COP1: variants seen among roughly 807,000 people sequenced by gnomAD.
The protein encoded by COP1 is COP1 E3 ubiquitin ligase, also known as E3 ubiquitin-protein ligase COP1.
Under a neutral mutation model 101.3 loss-of-function variants are expected in COP1, and 24 were observed. That is an observed-to-expected ratio of 0.24 (90% CI 0.17 to 0.33). The LOEUF (loss-of-function observed/expected upper bound fraction) is 0.33, where lower values mean the gene tolerates loss of function less well. COP1 is among the 10% of genes least tolerant of loss of function. COP1 has a pLI of 1.00. For missense variants in COP1, 663 were observed against 906.2 expected (o/e 0.73, Z 3.45); for synonymous variants, 347 against 341.9 (o/e 1.01, Z -0.17).
rs1653186746 is a variant in COP1 at position 175,971,270 on chromosome 1, C to A, written c.2133+15673G>T. ...GAACATATTCTCCAAAAACTCACTG[C>A]CTGATTTAAATTAACCTCATTTGTT... On this transcript the variant is annotated intron_variant, in intron 18 of 19. Coordinates refer to ENST00000367669, the MANE Select transcript of COP1 (RefSeq NM_022457.7). 2.0e-5 allele frequency among the ~76,000 whole-genome samples: 3 copies of A among 152,014 alleles called. No individual in the cohort carries two copies. The South Asian group carries it at 6.2e-4, about 32-fold the overall frequency.
chr1:176,144,239 A>G (rs147484791), intron 6 of COP1, among the ~76,000 whole-genome samples: 6 of 152,308 alleles, frequency 3.9e-5, no homozygotes, highest in Admixed American at 1.3e-4. Context: ...AGGATTAATG[A>G]GAGTTTAACC....
chr1:176,008,519 C>CT, intron 15 of COP1, among the ~76,000 whole-genome samples: 1 of 151,900 alleles, frequency 6.6e-6, no homozygotes, highest in East Asian at 1.9e-4. Flanking sequence ...TCATATTTTC[C>CT]TTTAACTCTT....
At chr1:175,970,678 G>T (rs1044718385) in intron 18 of COP1, among the ~76,000 whole-genome samples, 1 of 151,836 alleles carries the variant, frequency 6.6e-6, no homozygotes. Flanking sequence ...TTTTCTTAAG[G>T]ATCATATTTA....
chr1:176,005,751 T>TGAA lies in COP1; in HGVS notation c.1730-16273_1730-16272insTTC, dbSNP rs1553213130. On this transcript the variant is annotated intron_variant, in intron 15 of 19. Coordinates refer to ENST00000367669, the MANE Select transcript of COP1 (RefSeq NM_022457.7). ...ATAATCTCTGTTCTTTTACATTTGC[T>TGAA]GAGAGCTTTACTTCCAACTATGTGG... 1.3e-3 allele frequency among the ~76,000 whole-genome samples: 193 copies of TGAA among 149,554 alleles called. 2 individuals carry two copies. The highest frequency in any genetic ancestry group is 4.5e-3 in the African/African-American group (183 of 40,902).
At chr1:176,053,345 C>G (rs1558009451) in intron 11 of COP1, among the ~76,000 whole-genome samples, 1 of 152,140 alleles carries the variant, frequency 6.6e-6, no homozygotes, top group African/African-American at 2.4e-5. Context: ...CTGAAACCTC[C>G]CAGCTCAAAA....
chr1:176,042,260 A>G (rs1389453599), intron 14 of COP1, among the ~76,000 whole-genome samples: 25 of 93,248 alleles, frequency 2.7e-4, no homozygotes, highest in South Asian at 8.4e-4. Flanking sequence ...GACACAGCGA[A>G]ACTCTATCTC....
At chr1:176,027,428 A>C (rs1667865848) in intron 15 of COP1, 144 bp downstream of exon 15, 1 of 629,208 alleles carries the variant, frequency 1.6e-6, no homozygotes, top group Admixed American at 2.5e-5. Flanking sequence ...TAATGATGGC[A>C]TACTGTATAC....
intron 14 of COP1, among the ~76,000 whole-genome samples, chr1:176,034,799 A>G (rs1282024686): frequency 6.6e-6 from 1 of 152,234 alleles, no homozygotes; most frequent in African/African-American, 2.4e-5. Context: ...TCTAACTGGC[A>G]TGGGCATTAG....
At chr1:175,962,603 T>C (rs891019280) in intron 18 of COP1, among the ~76,000 whole-genome samples, 4 of 152,182 alleles carry the variant, frequency 2.6e-5, no homozygotes, top group Non-Finnish European at 5.9e-5. Flanking sequence ...AGCTGATTCA[T>C]GTAAAACTTT....
intron 11 of COP1, among the ~76,000 whole-genome samples, chr1:176,078,618 CA>C (rs71129549): frequency 6.3e-5 from 9 of 143,826 alleles, no homozygotes; most frequent in Non-Finnish European, 9.1e-5. Context: ...AAAGCAATTG[CA>C]AAAAAAAAAA....
intron 15 of COP1, among the ~76,000 whole-genome samples, chr1:176,019,458 A>T (rs1397819492): frequency 7.5e-6 from 1 of 133,112 alleles, no homozygotes. Context: ...GCAAGACTCC[A>T]TCTCAAATAA....
rs192573906 is a variant in COP1 at position 176,180,237 on chromosome 1, T to C, written c.468-4230A>G. ...TAAAAGAATTCAAACTCAGTAAATG[T>C]TGAATGCATGAATGAGTAGATACAG... On this transcript the variant is annotated intron_variant, in intron 2 of 19. Transcript: ENST00000367669. Among the ~76,000 whole-genome samples, 8 of 152,344 alleles carry C rather than the reference T, an allele frequency of 5.3e-5. No homozygotes were observed. The East Asian group carries it at 1.4e-3, about 26-fold the overall frequency.
intron 12 of COP1, 77 bp downstream of exon 12, chr1:176,046,103 GT>G (rs1460548114): frequency 1.7e-6 from 2 of 1,182,376 alleles, no homozygotes; most frequent in Non-Finnish European, 2.4e-6. Context: ...TCATGCAAAG[GT>G]AAAATAATCT....
chr1:176,084,473 G>C (rs1572133444), intron 10 of COP1, among the ~76,000 whole-genome samples: 1 of 152,146 alleles, frequency 6.6e-6, no homozygotes, highest in East Asian at 1.9e-4. Context: ...AGCTACCAAT[G>C]ACTTTCTTCA....
chr1:176,019,959 G>A (rs1231177751), intron 15 of COP1, among the ~76,000 whole-genome samples: 1 of 152,060 alleles, frequency 6.6e-6, no homozygotes, highest in Non-Finnish European at 1.5e-5. Flanking sequence ...TTATCTGAAG[G>A]AAGAAATATG....
chr1:176,011,098 T>C (rs759176620), intron 15 of COP1, among the ~76,000 whole-genome samples: 2 of 152,202 alleles, frequency 1.3e-5, no homozygotes, highest in Non-Finnish European at 2.9e-5. Flanking sequence ...TTTTAGTTGA[T>C]ATCTCAAAGT....
chr1:175,982,031 T>C (rs1655986878), intron 18 of COP1, among the ~76,000 whole-genome samples: 2 of 151,820 alleles, frequency 1.3e-5, no homozygotes, highest in Admixed American at 1.3e-4. Context: ...ATAACAAGCG[T>C]TGGCAAGAAT....
chr1:175,988,169 A>T, intron 17 of COP1, 119 bp downstream of exon 17: 1 of 914,092 alleles, frequency 1.1e-6, no homozygotes, highest in Non-Finnish European at 1.6e-6. Flanking sequence ...CATGTCTATT[A>T]TACTATCTTC....
intron 15 of COP1, among the ~76,000 whole-genome samples, chr1:176,004,328 T>G (rs9699893): frequency 0.11 from 15,920 of 143,032 alleles, 973 homozygotes; most frequent in Middle Eastern, 0.17. Flanking sequence ...CTTTTCCTAA[T>G]TGAATACCCT....
Sources: gnomAD v4.1 joint callset for allele counts (sites outside exome capture counted in the v4.1 genomes callset) on GRCh38, gnomAD v4.1.1 for gene constraint, MANE v1.5 for transcripts, NCBI Gene and HGNC (gene_info 2026-07-23, HGNC 2026-07-21) for gene names.